SMAP1: variants seen among roughly 807,000 people sequenced by gnomAD.
SMAP1 encodes stromal membrane-associated protein 1.
A neutral mutation model predicts 58.5 loss-of-function variants in SMAP1; 24 were observed. The observed-to-expected ratio is 0.41, with a 90% CI of 0.30 to 0.58. The LOEUF (loss-of-function observed/expected upper bound fraction) is 0.58, where lower values mean the gene tolerates loss of function less well. Ranked by LOEUF, SMAP1 falls within the 20% of genes least tolerant of loss-of-function variation. The pLI is 0.29. For missense variants in SMAP1, 563 were observed against 566.3 expected (o/e 0.99, Z 0.06); for synonymous variants, 216 against 196.6 (o/e 1.10, Z -0.82).
chr6:70,727,659 G>A (rs1198831484), intron 1 of SMAP1, among the ~76,000 whole-genome samples: 1 of 152,198 alleles, frequency 6.6e-6, no homozygotes, highest in Non-Finnish European at 1.5e-5. Flanking sequence ...ACTCAGGTTT[G>A]ATGAAAAAGT....
chr6:70,703,753 T>G (rs377659703), intron 1 of SMAP1, among the ~76,000 whole-genome samples: 1 of 152,254 alleles, frequency 6.6e-6, no homozygotes, highest in Non-Finnish European at 1.5e-5. Flanking sequence ...GTTTTCTCTC[T>G]GTGCATCTCT....
In SMAP1 at chr6:70,827,245, C is replaced by T. The variant is rs1770173627; in HGVS notation, c.577-9696C>T. Among the ~76,000 whole-genome samples, 3 of 152,040 alleles carry T rather than the reference C, an allele frequency of 2.0e-5. No individual in the cohort carries two copies. In the South Asian group the frequency reaches 6.2e-4, roughly 32 times the overall value. The stretch of plus-strand genomic sequence containing the variant: ...CATATTGTTCAAATTTTCAAATGAC[C>T]AAGCAATAAAGATTAGTTAAGATAT... On this transcript the variant is annotated intron_variant, in intron 6 of 10. Coordinates refer to ENST00000370455, the MANE Select transcript of SMAP1 (RefSeq NM_001044305.3).
intron 4 of SMAP1, among the ~76,000 whole-genome samples, chr6:70,784,305 C>T (rs1767903477): frequency 6.6e-6 from 1 of 151,836 alleles, no homozygotes; most frequent in Admixed American, 6.6e-5. Context: ...GAAGGAAGCA[C>T]TAAACATGGA....
At chr6:70,710,479 C>T (rs915662280) in intron 1 of SMAP1, among the ~76,000 whole-genome samples, 7 of 117,852 alleles carry the variant, frequency 5.9e-5, no homozygotes, top group Non-Finnish European at 1.1e-4. Flanking sequence ...GGTGACAGAG[C>T]GAGACTCCCA....
At chr6:70,729,459 T>TTTTG (rs1491434129) in intron 1 of SMAP1, among the ~76,000 whole-genome samples, 3 of 128,168 alleles carry the variant, frequency 2.3e-5, no homozygotes, top group Admixed American at 8.3e-5. Context: ...AAAAAGAAGG[T>TTTTG]TGTGTGTGTG....
At chr6:70,673,054 G>C (rs1367167232) in intron 1 of SMAP1, among the ~76,000 whole-genome samples, 2 of 152,132 alleles carry the variant, frequency 1.3e-5, no homozygotes, top group Non-Finnish European at 2.9e-5. Flanking sequence ...AAGAGGGCAA[G>C]AGGACCTAAA....
At chr6:70,821,576 C>T (rs1769893215) in intron 6 of SMAP1, among the ~76,000 whole-genome samples, 1 of 152,116 alleles carries the variant, frequency 6.6e-6, no homozygotes, top group Admixed American at 6.5e-5. Context: ...AAAATATTGA[C>T]TACTACGTGA....
At position 70,859,350 on chromosome 6, in the gene SMAP1, G is replaced by A. The variant is rs1461671791; in HGVS notation, c.1270-850G>A. 5.8e-6 allele frequency: 9 copies of A among 1,548,904 alleles called. No homozygotes were observed. The Admixed American group carries it at 9.9e-5, about 17-fold the overall frequency. ...CCAGATAATGCAGAAGGGTGATGCT[G>A]TTCTCCAGCACTCCATCAGTGCAAT... On this transcript the variant is annotated intron_variant, in intron 10 of 10. Coordinates refer to ENST00000370455, the MANE Select transcript of SMAP1 (RefSeq NM_001044305.3).
intron 2 of SMAP1, among the ~76,000 whole-genome samples, chr6:70,739,140 G>C (rs1220074322): frequency 6.6e-6 from 1 of 152,114 alleles, no homozygotes. Flanking sequence ...ACTTAGAGCG[G>C]ATTCCAAGAA....
intron 6 of SMAP1, among the ~76,000 whole-genome samples, chr6:70,824,664 C>T (rs1770037954): frequency 6.6e-6 from 1 of 152,124 alleles, no homozygotes; most frequent in South Asian, 2.1e-4. Context: ...TCTTAGCTTC[C>T]ACATGCATAT....
In SMAP1 at chr6:70,819,699, A is replaced by T. The variant is rs115394198; in HGVS notation, c.577-17242A>T. Among the ~76,000 whole-genome samples, 490 of 152,342 alleles carry T rather than the reference A, an allele frequency of 3.2e-3. 2 individuals carry two copies. The highest frequency in any genetic ancestry group is 0.011 in the African/African-American group (468 of 41,584). ...GTCAAATTGAATGCTAAAAGGATAC[A>T]GTTTTTAATTATAATAGAATATGTT... On this transcript the variant is annotated intron_variant, in intron 6 of 10. Transcript: ENST00000370455.
chr6:70,796,861 T>C (rs557536714), intron 5 of SMAP1, among the ~76,000 whole-genome samples: 7 of 152,328 alleles, frequency 4.6e-5, no homozygotes, highest in African/African-American at 1.7e-4. Flanking sequence ...AACAGCATTA[T>C]TGAAACATAA....
chr6:70,839,262 AAT>A (rs1218080186), intron 7 of SMAP1, among the ~76,000 whole-genome samples: 1 of 152,150 alleles, frequency 6.6e-6, no homozygotes, highest in African/African-American at 2.4e-5. Flanking sequence ...TCACTATTGC[AAT>A]ATGTGTCTCC....
intron 1 of SMAP1, among the ~76,000 whole-genome samples, chr6:70,701,936 A>T (rs770840588): frequency 1.3e-5 from 2 of 152,150 alleles, no homozygotes; most frequent in Non-Finnish European, 2.9e-5. Context: ...TACTTCATTG[A>T]TTACTTTCCT....
intron 3 of SMAP1, among the ~76,000 whole-genome samples, chr6:70,766,889 T>G (rs890781418): frequency 2.1e-4 from 32 of 152,314 alleles, no homozygotes; most frequent in Non-Finnish European, 2.8e-4. Context: ...GGTCTAACAT[T>G]TAAGTCTTTA....
intron 1 of SMAP1, among the ~76,000 whole-genome samples, chr6:70,709,813 T>C (rs984823145): frequency 3.3e-5 from 5 of 152,204 alleles, no homozygotes; most frequent in African/African-American, 4.8e-5. Flanking sequence ...TTTAATAATA[T>C]AATTCTTCCA....
chr6:70,744,981 G>C (rs964214421), intron 2 of SMAP1, among the ~76,000 whole-genome samples: 1 of 152,202 alleles, frequency 6.6e-6, no homozygotes, highest in Admixed American at 6.5e-5. Flanking sequence ...CTTTTGAAAA[G>C]TGTCTGTTCA....
intron 1 of SMAP1, among the ~76,000 whole-genome samples, chr6:70,703,633 CTCT>C (rs1767725008): frequency 6.6e-6 from 1 of 152,260 alleles, no homozygotes; most frequent in South Asian, 2.1e-4. Context: ...AGTTAGTTTC[CTCT>C]AATTGTTTTG....
chr6:70,788,521 G>C (rs184250977), intron 4 of SMAP1, among the ~76,000 whole-genome samples: 43 of 152,130 alleles, frequency 2.8e-4, no homozygotes, highest in African/African-American at 1.0e-3. Flanking sequence ...GCGTACTCCA[G>C]ACTCTATAGA....
Sources: allele counts gnomAD v4.1 joint callset (sites outside exome capture counted in the v4.1 genomes callset), GRCh38; gene constraint gnomAD v4.1.1; transcripts MANE v1.5; gene names NCBI Gene and HGNC (gene_info 2026-07-23, HGNC 2026-07-21).